Variants in ZNF318 observed in about 807,000 individuals in gnomAD.
ZNF318 encodes the protein zinc finger protein 318.
A neutral mutation model predicts 124.2 loss-of-function variants in ZNF318; 51 were observed. The observed-to-expected ratio is 0.41, with a 90% confidence interval of 0.33 to 0.52. The LOEUF is 0.52. Ranked by LOEUF, ZNF318 falls within the 20% of genes least tolerant of loss-of-function variation. The probability of loss-of-function intolerance (pLI) is 0.23; values close to 1 mark genes in which losing one functional copy is unlikely to be tolerated. For synonymous variants in ZNF318, 1,090 were observed against 1,040.7 expected, an observed-to-expected ratio of 1.05 and a Z score of -0.91; for missense variants, 2,815 against 2,811.2, an observed-to-expected ratio of 1.00 and a Z score of -0.03.
rs910656956 is a variant in ZNF318 at position 43,354,681 on chromosome 6, C to G, written c.2653G>C (p.Ala885Pro). 6.2e-7 allele frequency: 1 copy of G among 1,606,174 alleles called. No homozygotes were observed. Among genetic ancestry groups the G allele is most frequent in the Non-Finnish European group, 8.5e-7 (1 of 1,175,222 alleles). Residue 885 changes from alanine to proline, a missense_variant, in exon 4 of 10, where the codon GCT becomes CCT. Physicochemically the swap from Ala to Pro is conservative, Grantham distance 27. Coordinates refer to ENST00000361428, the MANE Select transcript of ZNF318 (RefSeq NM_014345.3). ...PEKISDEKNR[A>P]SQKQKVIEER... The stretch of plus-strand genomic sequence containing the variant: ...ATATTCACCTTTTGCTTCTGGGAAG[C>G]ACGGTTCTTCTCATCAGAGATCTTC...
In ZNF318 at chr6:43,337,138, G is replaced by A. The variant is rs927927503; in HGVS notation, c.*20C>T. 2.0e-6 allele frequency: 3 copies of A among 1,530,342 alleles called. No homozygotes were observed. The highest frequency in any genetic ancestry group is 4.2e-5 in the Admixed American group (2 of 47,146). The allele number at this position is 1,530,342 out of a possible 1,614,324, so 94.8% of individuals were successfully genotyped here. ...CTAGAAGCCAATGATTCACTCACAA[G>A]TAGCTCTAGGTATTTATTCTTAGTT... On this transcript the variant is annotated 3_prime_UTR_variant, in exon 10 of 10. Coordinates refer to ENST00000361428, the MANE Select transcript of ZNF318 (RefSeq NM_014345.3).
intron 1 of ZNF318, among the ~76,000 whole-genome samples, chr6:43,367,859 T>C (rs1243615260): frequency 6.6e-6 from 1 of 152,120 alleles, no homozygotes; most frequent in Non-Finnish European, 1.5e-5. Context: ...AGAACTTTGT[T>C]ACTAAGTTTA....
chr6:43,355,117 C>A lies in ZNF318; in HGVS notation c.2217G>T (p.Arg739Ser), dbSNP rs756151229. 1.9e-6 allele frequency: 3 copies of A among 1,614,050 alleles called. No homozygotes were observed. Among genetic ancestry groups the A allele is most frequent in the South Asian group, 1.1e-5 (1 of 91,092 alleles). Residue 739 changes from arginine to serine, a missense_variant, in exon 4 of 10, where the codon AGG (arginine) becomes AGT (serine). Around this residue, in one of 4 missense-constraint regions of ZNF318, gnomAD observed 1,377 missense variants for 1,353.5 expected, o/e 1.02. Transcript: ENST00000361428. ...CAGATGGGGCTGATGGCAACATGCACCTGACTGCAACAGATGACTGAAACC... is the reference window on the plus strand; with the variant it reads ...CAGATGGGGCTGATGGCAACATGCAACTGACTGCAACAGATGACTGAAACC... ...GSGFQSSVAV[R>S]CMLPSAPSAP... is the part of the protein sequence containing the mutation.
Position 43,340,776 on chromosome 6 carries a change from C to G in ZNF318, c.3495+14G>C, listed in dbSNP as rs747941416. On this transcript the variant is annotated intron_variant, in intron 9 of 9. Coordinates refer to ENST00000361428, the MANE Select transcript of ZNF318 (RefSeq NM_014345.3). ...GAAAAGTTGGAAACTCCACAGCCTACTACAAAGACCAACCTTGTATTTCTC... is the reference window on the plus strand; with the variant it reads ...GAAAAGTTGGAAACTCCACAGCCTAGTACAAAGACCAACCTTGTATTTCTC... 1 of 1,601,698 alleles carries G rather than the reference C, an allele frequency of 6.2e-7. No individual in the cohort carries two copies. Among genetic ancestry groups the G allele is most frequent in the East Asian group, 2.2e-5 (1 of 44,810 alleles).
At position 43,352,359 on chromosome 6, in the gene ZNF318, A is replaced by G; in HGVS notation, c.2770+18T>C. ...CGCAAGTTATTACAAAAAGGCAGTC[A>G]TGCAAAGCAGCTGATACCTTGTTGT... On this transcript the variant is annotated intron_variant, in intron 5 of 9. Coordinates refer to ENST00000361428, the MANE Select transcript of ZNF318 (RefSeq NM_014345.3). The G allele has an allele frequency of 6.4e-7, 1 of 1,554,268 alleles. No individual in the cohort carries two copies. Among genetic ancestry groups the G allele is most frequent in the Non-Finnish European group, 8.7e-7 (1 of 1,153,982 alleles).
intron 2 of ZNF318, chr6:43,363,846 C>A: frequency 1.1e-6 from 1 of 926,256 alleles, no homozygotes; most frequent in East Asian, 2.5e-5. Flanking sequence ...TTAAGTGCTC[C>A]AAGGAGGTGG....
intron 6 of ZNF318, among the ~76,000 whole-genome samples, chr6:43,347,390 A>T (rs1468643831): frequency 6.6e-6 from 1 of 152,242 alleles, no homozygotes; most frequent in African/African-American, 2.4e-5. Context: ...ATGTCAATGG[A>T]GATGATAAGG....
intron 2 of ZNF318, among the ~76,000 whole-genome samples, chr6:43,362,039 T>C (rs1581651005): frequency 6.6e-6 from 1 of 151,834 alleles, no homozygotes; most frequent in South Asian, 2.1e-4. Context: ...TGTGCCTGTA[T>C]TCCTAGCTAC....
chr6:43,342,804 G>A lies in ZNF318; in HGVS notation c.3148C>T (p.Gln1050Ter). ...PAESPQSATKQLDQPTAAYEY... is the reference protein window; with the variant it reads ...PAESPQSATK ...TAAGCAGCAGTGGGCTGATCCAACT[G>A]CTTAGTGGCTGACTGGGGGCTTTCG... Residue 1050 changes from glutamine to a stop codon, truncating the protein, a stop_gained, in exon 7 of 10, where the codon CAG (glutamine) becomes TAG (stop). Transcript: ENST00000361428. LOFTEE classifies it high-confidence loss of function. The A allele has an allele frequency of 1.2e-6, 2 of 1,614,180 alleles. No individual in the cohort carries two copies. Among genetic ancestry groups the A allele is most frequent in the Non-Finnish European group, 8.5e-7 (1 of 1,180,026 alleles).
rs777946201 is a variant in ZNF318, at chr6:43,337,551, C to G, written c.6447G>C (p.Glu2149Asp). ...VKESSQLDKQ[E>D]SLGLELKTIN... ...TTGTTTTTAATTCCAATCCGAGTGACTCTTGTTTGTCTAATTGGGAAGATT... is the reference window on the plus strand; with the variant it reads ...TTGTTTTTAATTCCAATCCGAGTGAGTCTTGTTTGTCTAATTGGGAAGATT... Residue 2149 changes from glutamate to aspartate, a missense_variant, in exon 10 of 10, where the codon GAG becomes GAC. Glu to Asp is a conservative substitution (Grantham distance 45). Around this residue, in one of 4 missense-constraint regions of ZNF318, gnomAD observed 927 missense variants for 820.6 expected, o/e 1.13. Transcript: ENST00000361428. 3 of 1,613,964 alleles carry G rather than the reference C, an allele frequency of 1.9e-6. No homozygotes were observed. In the South Asian group the frequency reaches 3.3e-5, roughly 18 times the overall value.
At position 43,355,312 on chromosome 6, in the gene ZNF318, G is replaced by A. The variant is rs541916642; in HGVS notation, c.2022C>T (p.His674=). Reference sequence around the variant, plus strand: ...GATGTGCCTCCCTGCTCTCTAGTCTGTGGGGATCTGAGGAACGTCGATCAG... The same window carrying A: ...GATGTGCCTCCCTGCTCTCTAGTCTATGGGGATCTGAGGAACGTCGATCAG... The part of the protein sequence containing the change: ...FSADRRSSDP[H]RLESREAHHS... Residue 674 remains histidine (H), a synonymous_variant, in exon 4 of 10, where the codon CAC becomes CAT. Transcript: ENST00000361428. 1 of 1,614,238 alleles carries A rather than the reference G, an allele frequency of 6.2e-7. No individual in the cohort carries two copies. The highest frequency in any genetic ancestry group is 1.3e-5 in the African/African-American group (1 of 75,068).
Position 43,356,062 on chromosome 6 carries a change from A to T in ZNF318, c.1272T>A (p.Ala424=), listed in dbSNP as rs779815711. The part of the protein sequence containing the change: ...SGHPSLPLSG[A]IAAFASEIEN... ...CAATCTCTGAGGCAAAAGCAGCAAT[A>T]GCACCACTTAGTGGAAGGGATGGGT... The change falls in exon 4 of 10, where the codon GCT becomes GCA. Residue 424 remains alanine, a synonymous_variant. Transcript: ENST00000361428. 35 of 1,614,232 alleles carry T rather than the reference A, an allele frequency of 2.2e-5. No homozygotes were observed. The highest frequency in any genetic ancestry group is 3.0e-5 in the Non-Finnish European group (35 of 1,180,030).
Position 43,355,679 on chromosome 6 carries a change from G to C in ZNF318, c.1655C>G (p.Pro552Arg). The change falls in exon 4 of 10, where the codon CCA becomes CGA. Residue 552 changes from proline (P) to arginine (R), a missense_variant. Transcript: ENST00000361428. ...ACTCTCAGAGCTCCCAAGGGGCTTTGGTACGGATTCTGCCTTTAAATCCTC... is the reference window on the plus strand; with the variant it reads ...ACTCTCAGAGCTCCCAAGGGGCTTTCGTACGGATTCTGCCTTTAAATCCTC... ...EEEDLKAESV[P>R]KPLGSSESEV... The C allele has an allele frequency of 6.2e-7, 1 of 1,614,174 alleles. No homozygotes were observed. The highest frequency in any genetic ancestry group is 1.1e-5 in the South Asian group (1 of 91,084).
chr6:43,369,458 ACCTCGGCCGCTGCGCGCCG>A lies in ZNF318; in HGVS notation c.-112_-94del, dbSNP rs1188292601. 5.1e-5 allele frequency: 52 copies of A among 1,022,628 alleles called. No individual in the cohort carries two copies. The South Asian group carries it at 9.4e-4, about 19-fold the overall frequency. The allele number at this position is 1,022,628 out of a possible 1,614,324, so 63.3% of individuals were successfully genotyped here. A position where few individuals can be genotyped will look rare whatever the true frequency, so the allele number is the denominator to read the frequency against. ...CGCCGCCGCAGCTGCAGCCGCCGCC[ACCTCGGCCGCTGCGCGCCG>A]CCTCAGCCGCGGGAGCAGCCCCCTC... On this transcript the variant is annotated 5_prime_UTR_variant, in exon 1 of 10. Coordinates refer to ENST00000361428, the MANE Select transcript of ZNF318 (RefSeq NM_014345.3).
At position 43,348,524 on chromosome 6, in the gene ZNF318, C is replaced by T. The variant is rs1183638266; in HGVS notation, c.2872G>A (p.Glu958Lys). 1.7e-5 allele frequency: 28 copies of T among 1,614,056 alleles called. No homozygotes were observed. Among genetic ancestry groups the T allele is most frequent in the Non-Finnish European group, 2.3e-5 (27 of 1,180,040 alleles). Reference sequence around the variant, plus strand: ...GCCTCTTCTGCCTCTTGCCGTAGCTCTGCAATGTCCTTCATAATGTTATCC... The same window carrying T: ...GCCTCTTCTGCCTCTTGCCGTAGCTTTGCAATGTCCTTCATAATGTTATCC... ...LQDNIMKDIA[E>K]LRQEAEEAEK... Residue 958 changes from glutamate to lysine, a missense_variant, in exon 6 of 10, where the codon GAG becomes AAG. Glu to Lys is a moderately conservative substitution (Grantham distance 56). Coordinates refer to ENST00000361428, the MANE Select transcript of ZNF318 (RefSeq NM_014345.3).
rs1779586024 is a variant in ZNF318 at position 43,355,158 on chromosome 6, C to T, written c.2176G>A (p.Glu726Lys). The T allele has an allele frequency of 1.2e-6, 2 of 1,614,230 alleles. No homozygotes were observed. The change falls in exon 4 of 10, where the codon GAG (glutamate) becomes AAG (lysine). Residue 726 changes from glutamate (E) to lysine (K), a missense_variant. By Grantham distance (56) the Glu-to-Lys change is moderately conservative. This residue lies in a region of ZNF318 where 1,377 missense variants were observed against 1,353.5 expected (regional missense o/e 1.02). Coordinates refer to ENST00000361428, the MANE Select transcript of ZNF318 (RefSeq NM_014345.3). Reference protein sequence around the residue: ...DHPVGHISGPEVVGSGFQSSV... With the variant: ...DHPVGHISGPKVVGSGFQSSV... ...GACTGAAACCCACTACCAACCACCT[C>T]TGGTCCTGAAATATGACCCACTGGA... is the stretch of plus-strand genomic sequence containing the variant.
In ZNF318 at chr6:43,364,650, C is replaced by T. The variant is rs538335777; in HGVS notation, c.548+642G>A. 2.6e-5 allele frequency among the ~76,000 whole-genome samples: 4 copies of T among 152,318 alleles called. No individual in the cohort carries two copies. The South Asian group carries it at 8.3e-4, about 32-fold the overall frequency. On this transcript the variant is annotated intron_variant, in intron 2 of 9. Coordinates refer to ENST00000361428, the MANE Select transcript of ZNF318 (RefSeq NM_014345.3). ...ACTTTGACTTTTGTGAGGTGAAAAA[C>T]ACCTAATGTGATTATTTACAATCTA...
rs778711191 is a variant in ZNF318, at chr6:43,338,813, C to T, written c.5185G>A (p.Val1729Ile). ...TCTAACAGTTGAGGAGGTGGTTCTA[C>T]ACCAGGTGGTCCTGGCTCTCCCAGG... Reference protein sequence around the residue: ...LDLGEPGPPGVEPPPQLLDIQ... With the variant: ...LDLGEPGPPGIEPPPQLLDIQ... The change falls in exon 10 of 10, where the codon GTA becomes ATA. Residue 1729 changes from valine (V) to isoleucine (I), a missense_variant. By Grantham distance (29) the Val-to-Ile change is conservative (BLOSUM62 3). Transcript: ENST00000361428. 6.2e-7 allele frequency: 1 copy of T among 1,614,130 alleles called. No homozygotes were observed. The highest frequency in any genetic ancestry group is 2.2e-5 in the East Asian group (1 of 44,886).
In ZNF318 at chr6:43,340,394, G is replaced by A. The variant is rs775425271; in HGVS notation, c.3604C>T (p.Arg1202Cys). 10 of 1,613,520 alleles carry A rather than the reference G, an allele frequency of 6.2e-6. No homozygotes were observed. The highest frequency in any genetic ancestry group is 1.7e-5 in the Admixed American group (1 of 59,952). Residue 1202 changes from arginine (R) to cysteine (C), a missense_variant, in exon 10 of 10, where the codon CGC (arginine) becomes TGC (cysteine). Physicochemically the swap from Arg to Cys is radical, Grantham distance 180. Around this residue, in one of 4 missense-constraint regions of ZNF318, gnomAD observed 500 missense variants for 605.2 expected, o/e 0.83. Transcript: ENST00000361428. ...TCCTTTGGTTTCTCACTAAGTTTGCGCTTTAGCTCACTCTGCCGTCGCCGT... is the reference window on the plus strand; with the variant it reads ...TCCTTTGGTTTCTCACTAAGTTTGCACTTTAGCTCACTCTGCCGTCGCCGT... ...TERRRQSELK[R>C]KLSEKPKEEK...
Sources: gnomAD v4.1 joint callset for allele counts (sites outside exome capture counted in the v4.1 genomes callset) on GRCh38, gnomAD v4.1.1 for gene constraint, gnomAD v4.1.1 regional missense constraint, MANE v1.5 for transcripts, NCBI Gene and HGNC (gene_info 2026-07-23, HGNC 2026-07-21) for gene names.